The following NCOA7 variants were observed in gnomAD, a reference collection of about 807,000 sequenced individuals.
NCOA7 encodes nuclear receptor coactivator 7, also known as 140 kDa estrogen receptor-associated protein.
In NCOA7, 45 loss-of-function variants were observed where a neutral mutation model predicts 104.3. That is an observed-to-expected ratio of 0.43 (90% CI 0.34 to 0.55). The LOEUF (loss-of-function observed/expected upper bound fraction) is 0.55, where lower values mean the gene tolerates loss of function less well. Among genes scored for constraint, NCOA7 ranks in the 20% least tolerant of loss-of-function variants. The pLI is 0.02. For synonymous variants in NCOA7, 398 were observed against 402.3 expected (o/e 0.99, Z 0.13); for missense variants, 1,041 against 1,119.7 (o/e 0.93, Z 1.00).
chr6:125,854,514 A>G (rs1439858157), intron 2 of NCOA7, among the ~76,000 whole-genome samples: 1 of 152,226 alleles, frequency 6.6e-6, no homozygotes, highest in African/African-American at 2.4e-5. Flanking sequence ...TGTTTAAAGG[A>G]AAAGAATTAC....
chr6:125,835,597 C>T (rs1261129836), intron 2 of NCOA7, among the ~76,000 whole-genome samples: 1 of 152,160 alleles, frequency 6.6e-6, no homozygotes, highest in Non-Finnish European at 1.5e-5. Context: ...CAACAGCAGG[C>T]AAAGCAAATG....
chr6:125,850,915 CTTTTGATCAGAAGAGAAA>C (rs900971944), intron 2 of NCOA7, among the ~76,000 whole-genome samples: 3 of 152,102 alleles, frequency 2.0e-5, no homozygotes, highest in Admixed American at 6.6e-5. Context: ...TCACGCAGGA[CTTTTGATCAGAAGAGAAA>C]TTTTGATCAG....
At chr6:125,862,109 T>C (rs987994974) in intron 3 of NCOA7, among the ~76,000 whole-genome samples, 1 of 129,578 alleles carries the variant, frequency 7.7e-6, no homozygotes, top group Non-Finnish European at 1.6e-5. Flanking sequence ...ATGAAGAGTC[T>C]GAGGATCAAA....
In NCOA7 at chr6:125,903,709, C is replaced by CTT. The variant is rs386408527; in HGVS notation, c.2097-11611_2097-11610dup. ...TAGTAGTACTTATTTTTACTACCTT[C>CTT]TTTTTTTTTTTTTTGAGATAGAATC... On this transcript the variant is annotated intron_variant, in intron 10 of 15. Transcript: ENST00000392477. Among the ~76,000 whole-genome samples, 193 of 143,844 alleles carry CTT rather than the reference C, an allele frequency of 1.3e-3. 1 individual carries two copies. Among genetic ancestry groups the CTT allele is most frequent in the Middle Eastern group, 7.1e-3 (2 of 280 alleles). The allele number at this position is 143,844 out of a possible 152,430, so 94.4% of individuals were successfully genotyped here.
intron 3 of NCOA7, among the ~76,000 whole-genome samples, chr6:125,873,568 G>C (rs948257606): frequency 2.6e-5 from 4 of 152,106 alleles, no homozygotes; most frequent in African/African-American, 9.7e-5. Flanking sequence ...TTACCCTCTA[G>C]CTCCCCATTG....
chr6:125,871,665 G>A (rs906184127), intron 3 of NCOA7, among the ~76,000 whole-genome samples: 1 of 152,098 alleles, frequency 6.6e-6, no homozygotes, highest in Non-Finnish European at 1.5e-5. Flanking sequence ...AACTCATCAG[G>A]CTTATTCATC....
At chr6:125,821,306 A>G (rs1778154831) in intron 2 of NCOA7, among the ~76,000 whole-genome samples, 1 of 152,210 alleles carries the variant, frequency 6.6e-6, no homozygotes. Flanking sequence ...TGCTATGATA[A>G]TTTATACTCA....
At chr6:125,850,073 A>G (rs1420580680) in intron 2 of NCOA7, among the ~76,000 whole-genome samples, 1 of 152,190 alleles carries the variant, frequency 6.6e-6, no homozygotes. Flanking sequence ...CGTAAAAACA[A>G]AAGGTAAGGA....
At chr6:125,906,531 G>A (rs1786022323) in intron 10 of NCOA7, among the ~76,000 whole-genome samples, 1 of 152,146 alleles carries the variant, frequency 6.6e-6, no homozygotes, top group Non-Finnish European at 1.5e-5. Flanking sequence ...AAAGATTATT[G>A]TGTTTGTTTC....
At chr6:125,843,563 T>G (rs184014681) in intron 2 of NCOA7, among the ~76,000 whole-genome samples, 3 of 152,230 alleles carry the variant, frequency 2.0e-5, no homozygotes, top group South Asian at 2.1e-4. Flanking sequence ...TAAATTTCTC[T>G]TTGCCAAATT....
At chr6:125,890,549 G>T (rs1284443199) in intron 9 of NCOA7, 93 bp from the exon 10 acceptor site, 3 of 1,242,164 alleles carry the variant, frequency 2.4e-6, no homozygotes, top group Non-Finnish European at 3.3e-6. Flanking sequence ...TTTTGACTAA[G>T]AGAGGATTGT....
chr6:125,903,793 C>T (rs1583505811), intron 10 of NCOA7, among the ~76,000 whole-genome samples: 1 of 151,848 alleles, frequency 6.6e-6, no homozygotes, highest in East Asian at 1.9e-4. Context: ...GCAACCTCCA[C>T]CTCCTGGGTT....
At chr6:125,906,739 T>C (rs1279025233) in intron 10 of NCOA7, among the ~76,000 whole-genome samples, 14 of 151,898 alleles carry the variant, frequency 9.2e-5, no homozygotes, top group African/African-American at 2.7e-4. Context: ...GTGGTTTAGA[T>C]GGAAGGCAGA....
intron 2 of NCOA7, among the ~76,000 whole-genome samples, chr6:125,836,176 C>T (rs564705191): frequency 6.6e-6 from 1 of 152,278 alleles, no homozygotes; most frequent in South Asian, 2.1e-4. Context: ...TTTAATACCA[C>T]AACTCCACTA....
At chr6:125,868,457 C>T (rs1207925927) in intron 3 of NCOA7, among the ~76,000 whole-genome samples, 1 of 152,222 alleles carries the variant, frequency 6.6e-6, no homozygotes, top group African/African-American at 2.4e-5. Context: ...TTTCATTTTA[C>T]AGCTAAACCG....
intron 10 of NCOA7, among the ~76,000 whole-genome samples, chr6:125,903,481 C>T (rs1315150086): frequency 2.0e-5 from 3 of 152,202 alleles, no homozygotes; most frequent in South Asian, 4.1e-4. Flanking sequence ...AAGCTATGAA[C>T]GCATGGCCTC....
chr6:125,878,445 ATTGT>A, intron 5 of NCOA7, 75 bp downstream of exon 5: 2 of 923,412 alleles, frequency 2.2e-6, no homozygotes, highest in Non-Finnish European at 3.3e-6. Flanking sequence ...GTGCCTCACT[ATTGT>A]TTGTCACAGG....
intron 10 of NCOA7, among the ~76,000 whole-genome samples, chr6:125,894,337 C>G (rs1784840825): frequency 6.6e-6 from 1 of 152,106 alleles, no homozygotes; most frequent in Non-Finnish European, 1.5e-5. Context: ...GCGTACTAGA[C>G]TCGGGCCTCT....
intron 1 of NCOA7, among the ~76,000 whole-genome samples, chr6:125,799,125 C>T (rs772447221): frequency 6.6e-6 from 1 of 152,084 alleles, no homozygotes; most frequent in Non-Finnish European, 1.5e-5. Context: ...GGCACTGTGT[C>T]CTCTCTACAT....
Sources: allele counts gnomAD v4.1 joint callset (sites outside exome capture counted in the v4.1 genomes callset), GRCh38; gene constraint gnomAD v4.1.1; transcripts MANE v1.5; gene names NCBI Gene and HGNC (gene_info 2026-07-23, HGNC 2026-07-21).